Variants in ELOVL6 observed in about 807,000 individuals in gnomAD.
The protein encoded by ELOVL6 is very long chain fatty acid elongase 6.
In ELOVL6, 8 loss-of-function variants were observed where a neutral mutation model predicts 31.7. The ratio of observed to expected loss-of-function variants is 0.25; its 90% confidence interval spans 0.15 to 0.45. The LOEUF is 0.45. Ranked by LOEUF, ELOVL6 falls within the 20% of genes least tolerant of loss-of-function variation. ELOVL6 has a pLI of 1.00. For missense variants in ELOVL6, 126 were observed against 326.4 expected (o/e 0.39, Z 4.73); for synonymous variants, 101 against 117.7 (o/e 0.86, Z 0.92).
At position 110,196,646 on chromosome 4, in the gene ELOVL6, A is replaced by C. The variant is rs534088401; in HGVS notation, c.89+1601T>G. ...AGCCCTGTGCCTGTGTGGCTGCTGC[A>C]CTTCCAGTCCTTCCGAGCGGCCCGC... On this transcript the variant is annotated intron_variant, in intron 1 of 3. Transcript: ENST00000302274. Among the ~76,000 whole-genome samples the C allele has an allele frequency of 2.3e-3, 357 of 152,156 alleles. 2 individuals are homozygous for C. Among genetic ancestry groups the C allele is most frequent in the African/African-American group, 8.1e-3 (338 of 41,546 alleles).
At chr4:110,110,401 A>ATTTT (rs397878146) in intron 1 of ELOVL6, among the ~76,000 whole-genome samples, 1 of 109,752 alleles carries the variant, frequency 9.1e-6, no homozygotes, top group Admixed American at 1.0e-4. Context: ...TTTTCCGCAG[A>ATTTT]TTTTTTTTTT....
At chr4:110,120,128 T>A (rs1024934233) in intron 1 of ELOVL6, among the ~76,000 whole-genome samples, 3 of 152,176 alleles carry the variant, frequency 2.0e-5, no homozygotes, top group African/African-American at 7.2e-5. Context: ...TGAGAATGCA[T>A]TATGGGGAAA....
At chr4:110,191,678 T>C (rs1303013535) in intron 1 of ELOVL6, among the ~76,000 whole-genome samples, 1 of 152,138 alleles carries the variant, frequency 6.6e-6, no homozygotes, top group Non-Finnish European at 1.5e-5. Flanking sequence ...CTCATTTTAC[T>C]TTGTTGTCTA....
chr4:110,084,551 C>CAGATATATATTTATATATATATAT (rs1163599448), intron 2 of ELOVL6, among the ~76,000 whole-genome samples: 4 of 64,700 alleles, frequency 6.2e-5, no homozygotes, highest in African/African-American at 1.8e-4. Context: ...CACACACACA[C>CAGATATATATTTATATATATATAT]ACACACACAC....
At chr4:110,061,098 T>C (rs1755124175) in intron 2 of ELOVL6, among the ~76,000 whole-genome samples, 1 of 152,222 alleles carries the variant, frequency 6.6e-6, no homozygotes, top group Non-Finnish European at 1.5e-5. Context: ...CTGTATGAAA[T>C]TGTCCTGCAG....
At chr4:110,111,387 G>A (rs1282060103) in intron 1 of ELOVL6, among the ~76,000 whole-genome samples, 2 of 141,588 alleles carry the variant, frequency 1.4e-5, no homozygotes, top group African/African-American at 5.3e-5. Context: ...TGATGAAAAT[G>A]TTGACATCCA....
chr4:110,197,853 T>C lies in ELOVL6; in HGVS notation c.89+394A>G, dbSNP rs1473662387. Reference sequence around the variant, plus strand: ...CCTCCACTGCCTTTCACACTCCGGTTGCGGGAGAGGCCAAGCGAGAAAACC... The same window carrying C: ...CCTCCACTGCCTTTCACACTCCGGTCGCGGGAGAGGCCAAGCGAGAAAACC... On this transcript the variant is annotated intron_variant, in intron 1 of 3. Coordinates refer to ENST00000302274, the MANE Select transcript of ELOVL6 (RefSeq NM_024090.3). The C allele has an allele frequency of 1.2e-5, 3 of 243,326 alleles. No homozygotes were observed. In the Admixed American group the frequency reaches 1.5e-4, roughly 13 times the overall value. The allele number at this position is 243,326 out of a possible 1,614,324, so 15.1% of individuals were successfully genotyped here. A position where few individuals can be genotyped will look rare whatever the true frequency, so the allele number is the denominator to read the frequency against.
chr4:110,079,191 A>G (rs1054418886), intron 2 of ELOVL6, among the ~76,000 whole-genome samples: 1 of 152,228 alleles, frequency 6.6e-6, no homozygotes, highest in African/African-American at 2.4e-5. Context: ...CAAGACAGAA[A>G]GTTAACAAGG....
intron 1 of ELOVL6, among the ~76,000 whole-genome samples, chr4:110,167,653 TTATGTATGTATGTATGTATGTATGTATG>T (rs33925081): frequency 2.2e-5 from 3 of 139,510 alleles, no homozygotes; most frequent in East Asian, 2.2e-4. Context: ...ACCACCTCAG[TTATGTATGTATGTATGTATGTATGTATG>T]TATGTATGTA....
At chr4:110,151,631 A>G (rs953413557) in intron 1 of ELOVL6, among the ~76,000 whole-genome samples, 6 of 152,202 alleles carry the variant, frequency 3.9e-5, no homozygotes, top group African/African-American at 1.4e-4. Flanking sequence ...AAGGCCAATA[A>G]TGATGTTGAG....
At chr4:110,196,478 G>A (rs1230988723) in intron 1 of ELOVL6, among the ~76,000 whole-genome samples, 2 of 152,180 alleles carry the variant, frequency 1.3e-5, no homozygotes, top group Non-Finnish European at 2.9e-5. Flanking sequence ...AGTGCATCCA[G>A]AGAAGGACCC....
intron 2 of ELOVL6, among the ~76,000 whole-genome samples, chr4:110,074,780 CTT>C (rs1755584918): frequency 6.6e-6 from 1 of 152,150 alleles, no homozygotes; most frequent in South Asian, 2.1e-4. Context: ...TATGACGACA[CTT>C]GAGCAGAGGC....
intron 1 of ELOVL6, among the ~76,000 whole-genome samples, chr4:110,109,782 C>G (rs569631364): frequency 1.3e-5 from 2 of 152,298 alleles, no homozygotes; most frequent in South Asian, 4.1e-4. Context: ...AGTTTATTTG[C>G]TAATGAAGAA....
chr4:110,083,738 T>C (rs1054629289), intron 2 of ELOVL6, among the ~76,000 whole-genome samples: 3 of 150,824 alleles, frequency 2.0e-5, no homozygotes, highest in Non-Finnish European at 4.4e-5. Context: ...CACTTAAAAA[T>C]ATATTGTGTC....
At chr4:110,147,780 GAC>G (rs58644594) in intron 1 of ELOVL6, among the ~76,000 whole-genome samples, 15,288 of 142,276 alleles carry the variant, frequency 0.11, 781 homozygotes, top group Middle Eastern at 0.13. Flanking sequence ...GACAGAGCAG[GAC>G]ACACACACAC....
At chr4:110,140,368 A>C (rs1180580237) in intron 1 of ELOVL6, among the ~76,000 whole-genome samples, 1 of 152,182 alleles carries the variant, frequency 6.6e-6, no homozygotes, top group Non-Finnish European at 1.5e-5. Flanking sequence ...CTGCTAAAAA[A>C]GAATGGATGT....
chr4:110,076,248 T>G (rs548633583), intron 2 of ELOVL6, among the ~76,000 whole-genome samples: 1 of 152,310 alleles, frequency 6.6e-6, no homozygotes, highest in Admixed American at 6.5e-5. Context: ...AGAAAAGAGA[T>G]AAACATTAGT....
chr4:110,077,464 T>C (rs920390920), intron 2 of ELOVL6, among the ~76,000 whole-genome samples: 1 of 152,202 alleles, frequency 6.6e-6, no homozygotes, highest in African/African-American at 2.4e-5. Context: ...CCACTGCTGA[T>C]ACCCAGGCAA....
intron 1 of ELOVL6, among the ~76,000 whole-genome samples, chr4:110,196,658 TC>T (rs1321721169): frequency 1.1e-4 from 16 of 152,028 alleles, no homozygotes; most frequent in South Asian, 2.1e-4. Context: ...TTCCAGTCCT[TC>T]CGAGCGGCCC....
Sources: gnomAD v4.1 joint callset for allele counts (sites outside exome capture counted in the v4.1 genomes callset) on GRCh38, gnomAD v4.1.1 for gene constraint, MANE v1.5 for transcripts, NCBI Gene and HGNC (gene_info 2026-07-23, HGNC 2026-07-21) for gene names.